Variants in ADAMTSL2 observed in about 807,000 individuals in gnomAD.
ADAMTSL2 encodes ADAMTS like 2, also known as ADAMTS-like protein 2.
In ADAMTSL2, 55 loss-of-function variants were observed where a neutral mutation model predicts 117.0. The observed-to-expected ratio is 0.47, with a 90% CI of 0.38 to 0.59. The LOEUF is 0.59. ADAMTSL2 is among the 20% of genes least tolerant of loss of function. ADAMTSL2 has a pLI of 0.00. For missense variants in ADAMTSL2, 1,182 were observed against 1,354.5 expected, an observed-to-expected ratio of 0.87 and a Z score of 2.00; for synonymous variants, 572 against 566.4, an observed-to-expected ratio of 1.01 and a Z score of -0.14.
At chr9:133,570,958 T>A (rs1002090502) in intron 17 of ADAMTSL2, among the ~76,000 whole-genome samples, 5 of 152,118 alleles carry the variant, frequency 3.3e-5, no homozygotes, top group African/African-American at 7.2e-5. Flanking sequence ...CACCCCCATG[T>A]CAGGACACCG....
intron 12 of ADAMTSL2, among the ~76,000 whole-genome samples, chr9:133,561,761 G>A (rs1311938796): frequency 6.6e-6 from 1 of 152,180 alleles, no homozygotes; most frequent in Non-Finnish European, 1.5e-5. Context: ...GGGGAAAAAA[G>A]ACCCTCCTCG....
chr9:133,574,642 G>A, intron 18 of ADAMTSL2, 104 bp from the exon 19 acceptor site: 1 of 910,476 alleles, frequency 1.1e-6, no homozygotes, highest in Non-Finnish European at 1.9e-6. Context: ...CCACGGGGTG[G>A]GAGGCCCACT....
chr9:133,539,058 C>T, intron 4 of ADAMTSL2, among the ~76,000 whole-genome samples: 1 of 152,166 alleles, frequency 6.6e-6, no homozygotes, highest in East Asian at 1.9e-4. Context: ...GAAGGCAGAG[C>T]AGCTGGGGGT....
At chr9:133,566,773 C>T (rs1830984079) in intron 12 of ADAMTSL2, 163 bp from the exon 13 acceptor site, 10 of 926,226 alleles carry the variant, frequency 1.1e-5, no homozygotes, top group Non-Finnish European at 1.5e-5. Flanking sequence ...ACAGCTCAGA[C>T]CCACAGTGCT....
upstream of ADAMTSL2, among the ~76,000 whole-genome samples, chr9:133,534,115 G>A (rs962842740): frequency 6.6e-6 from 1 of 152,244 alleles, no homozygotes; most frequent in African/African-American, 2.4e-5. Context: ...GGCCCTGGCT[G>A]CTCTAGCCAT....
At chr9:133,570,175 T>A (rs935141851) in intron 16 of ADAMTSL2, among the ~76,000 whole-genome samples, 156 bp from the exon 17 acceptor site, 2 of 152,226 alleles carry the variant, frequency 1.3e-5, no homozygotes, top group Admixed American at 1.3e-4. Context: ...GCCAAATGGT[T>A]ATCGAACAAA....
chr9:133,538,558 G>A (rs1830111291), intron 4 of ADAMTSL2, 134 bp downstream of exon 4: 3 of 1,061,296 alleles, frequency 2.8e-6, no homozygotes, highest in Non-Finnish European at 1.4e-6. Flanking sequence ...GAGCCCAGGA[G>A]CAGGGTTGAG....
At chr9:133,539,686 G>GTC in intron 4 of ADAMTSL2, 85 bp from the exon 5 acceptor site, 4 of 1,305,756 alleles carry the variant, frequency 3.1e-6, no homozygotes, top group Non-Finnish European at 3.2e-6. Context: ...TGTCCCGGCT[G>GTC]CAGCCACTTC....
At chr9:133,561,114 G>T in intron 11 of ADAMTSL2, 84 bp from the exon 12 acceptor site, 1 of 1,231,024 alleles carries the variant, frequency 8.1e-7, no homozygotes, top group Non-Finnish European at 1.2e-6. Flanking sequence ...ACCCTCCGAA[G>T]AAAACTCCCT....
intron 8 of ADAMTSL2, among the ~76,000 whole-genome samples, chr9:133,545,403 G>C (rs10119879): frequency 6.6e-6 from 1 of 152,018 alleles, no homozygotes; most frequent in African/African-American, 2.4e-5. Flanking sequence ...ATCTCCTAAG[G>C]GGGTGCTGGA....
chr9:133,565,084 C>T (rs1226587674), intron 12 of ADAMTSL2, among the ~76,000 whole-genome samples: 2 of 152,286 alleles, frequency 1.3e-5, no homozygotes, highest in African/African-American at 4.8e-5. Context: ...CCCTTCGGCG[C>T]TCCAGGGCAC....
At chr9:133,565,665 A>G (rs922076353) in intron 12 of ADAMTSL2, among the ~76,000 whole-genome samples, 1 of 152,204 alleles carries the variant, frequency 6.6e-6, no homozygotes, top group Non-Finnish European at 1.5e-5. Context: ...GTTTCGTTCC[A>G]TCCAGCGCTG....
chr9:133,554,357 G>T lies in ADAMTSL2; in HGVS notation c.940G>T (p.Val314Leu). 1 of 1,549,388 alleles carries T rather than the reference G, an allele frequency of 6.5e-7. No homozygotes were observed. Among genetic ancestry groups the T allele is most frequent in the Non-Finnish European group, 8.7e-7 (1 of 1,151,934 alleles). Reference protein sequence around the residue: ...GPTNQGLNVMVWNQNGKSPSI... With the variant: ...GPTNQGLNVMLWNQNGKSPSI... The stretch of plus-strand genomic sequence containing the variant: ...TGGGGACCCACTTCTCTTTCCCTAG[G>T]TGTGGAACCAGAACGGCAAAAGCCC... Residue 314 changes from valine to leucine, a missense_variant and splice_region_variant, in exon 10 of 19, where the codon GTG becomes TTG. Coordinates refer to ENST00000651351, the MANE Select transcript of ADAMTSL2 (RefSeq NM_014694.4). This position sits in a 1 kb window ranked among gnomAD's most constrained non-coding sequence, Gnocchi z 5.2.
Position 133,540,942 on chromosome 9 carries a change from G to A in ADAMTSL2, c.623G>A (p.Gly208Glu). The A allele has an allele frequency of 6.2e-7, 1 of 1,613,460 alleles. No individual in the cohort carries two copies. The highest frequency in any genetic ancestry group is 8.5e-7 in the Non-Finnish European group (1 of 1,180,036). Residue 208 changes from glycine (G) to glutamate (E), a missense_variant, in exon 7 of 19, where the codon GGG (glycine) becomes GAG (glutamate). Physicochemically the swap from Gly to Glu is moderately conservative, Grantham distance 98. This residue lies in a region of ADAMTSL2 where 372 missense variants were observed against 463.4 expected (regional missense o/e 0.80). Coordinates refer to ENST00000651351, the MANE Select transcript of ADAMTSL2 (RefSeq NM_014694.4). ...HTLDKCGICQ[G>E]DGSSCTHVTG... is the part of the protein sequence containing the mutation. The stretch of plus-strand genomic sequence containing the variant: ...CTGGACAAGTGTGGCATCTGCCAGG[G>A]GGACGGTAGCAGCTGCACCCACGTG...
chr9:133,552,184 G>C (rs1403139630), intron 9 of ADAMTSL2, among the ~76,000 whole-genome samples: 1 of 152,192 alleles, frequency 6.6e-6, no homozygotes, highest in East Asian at 1.9e-4. Context: ...CTTGGATGTG[G>C]AATATGCTGG....
chr9:133,558,337 G>A lies in ADAMTSL2; in HGVS notation c.1649+2407G>A, dbSNP rs991984829. ...CACCAGGCCAAAATAGCCACGTCTC[G>A]GCCGAGTTGTCCAAACACAGGAAGT... is the stretch of plus-strand genomic sequence containing the variant. On this transcript the variant is annotated intron_variant, in intron 11 of 18. Coordinates refer to ENST00000651351, the MANE Select transcript of ADAMTSL2 (RefSeq NM_014694.4). This position sits in a 1 kb window ranked among gnomAD's most constrained non-coding sequence, Gnocchi z 4.3. 6.6e-6 allele frequency among the ~76,000 whole-genome samples: 1 copy of A among 152,210 alleles called. No individual in the cohort carries two copies. Among genetic ancestry groups the A allele is most frequent in the Non-Finnish European group, 1.5e-5 (1 of 68,040 alleles).
At chr9:133,533,737 G>T (rs567574603), upstream of ADAMTSL2, among the ~76,000 whole-genome samples, 1 of 152,192 alleles carries the variant, frequency 6.6e-6, no homozygotes, top group African/African-American at 2.4e-5. Context: ...GTGTCTTCCC[G>T]GCACTGCTGT....
Position 133,539,884 on chromosome 9 carries a change from C to A in ADAMTSL2, c.412+11C>A, listed in dbSNP as rs1204957155. The A allele has an allele frequency of 3.2e-5, 50 of 1,550,378 alleles. No individual in the cohort carries two copies. Among genetic ancestry groups the A allele is most frequent in the Non-Finnish European group, 4.2e-5 (48 of 1,146,728 alleles). ...AGCCTCTGTACCCGGGTACCTGCCG[C>A]CCTGGGGACCCACCTTGCAGGGAGC... is the stretch of plus-strand genomic sequence containing the variant. On this transcript the variant is annotated intron_variant, in intron 5 of 18. Coordinates refer to ENST00000651351, the MANE Select transcript of ADAMTSL2 (RefSeq NM_014694.4).
chr9:133,563,830 A>G (rs564544495), intron 12 of ADAMTSL2, among the ~76,000 whole-genome samples: 7 of 90,904 alleles, frequency 7.7e-5, no homozygotes, highest in South Asian at 4.1e-4. Flanking sequence ...AGAGAGAGAG[A>G]GAGAGAGAGA....
Sources: allele counts gnomAD v4.1 joint callset (sites outside exome capture counted in the v4.1 genomes callset), GRCh38; gene constraint gnomAD v4.1.1; regional missense constraint gnomAD v4.1.1; non-coding constraint Gnocchi (gnomAD v3.1); transcripts MANE v1.5; gene names NCBI Gene and HGNC (gene_info 2026-07-23, HGNC 2026-07-21).